The following BRINP1 variants were observed in gnomAD, a reference collection of about 807,000 sequenced individuals.
The protein encoded by BRINP1 is BMP/retinoic acid inducible neural specific 1.
BRINP1 carries 17 observed loss-of-function variants against 72.9 expected under a neutral mutation model. That is an observed-to-expected ratio of 0.23 (90% CI 0.16 to 0.35). The LOEUF (loss-of-function observed/expected upper bound fraction) is 0.35, where lower values mean the gene tolerates loss of function less well. BRINP1 is among the 10% of genes least tolerant of loss of function. The pLI, the probability that BRINP1 is intolerant of heterozygous loss-of-function variation, is 1.00. For missense variants in BRINP1, 850 were observed against 1,001.6 expected (o/e 0.85, Z 2.04); for synonymous variants, 418 against 378.5 (o/e 1.10, Z -1.21).
At chr9:119,262,660 A>C (rs2118937170) in intron 2 of BRINP1, among the ~76,000 whole-genome samples, 1 of 151,566 alleles carries the variant, frequency 6.6e-6, no homozygotes, top group South Asian at 2.1e-4. Flanking sequence ...AAAAAAAAAA[A>C]AAAAAAGCTG....
intron 1 of BRINP1, among the ~76,000 whole-genome samples, chr9:119,319,708 T>C (rs1489066390): frequency 1.3e-5 from 2 of 152,210 alleles, no homozygotes; most frequent in East Asian, 3.8e-4. Context: ...TTCCACAAAA[T>C]GGGCACAGTT....
chr9:119,297,365 G>A lies in BRINP1; in HGVS notation c.218+15773C>T, dbSNP rs191706240. 2.2e-3 allele frequency among the ~76,000 whole-genome samples: 334 copies of A among 152,184 alleles called. 8 individuals are homozygous for A. The highest frequency in any genetic ancestry group is 5.6e-4 in the Non-Finnish European group (38 of 68,022). ...GCTGCGCTCCCTTCACCTTCTCAGC[G>A]CCCTGTATAGCCAGTGGTAACGAGC... On this transcript the variant is annotated intron_variant, in intron 2 of 7. Coordinates refer to ENST00000265922, the MANE Select transcript of BRINP1 (RefSeq NM_014618.3).
intron 7 of BRINP1, among the ~76,000 whole-genome samples, chr9:119,184,027 A>G (rs557911378): frequency 6.6e-6 from 1 of 152,286 alleles, no homozygotes; most frequent in East Asian, 1.9e-4. Flanking sequence ...ATTTTTGACT[A>G]AATCCCCTGA....
intron 2 of BRINP1, among the ~76,000 whole-genome samples, chr9:119,253,792 T>C (rs1588179012): frequency 6.6e-6 from 1 of 152,238 alleles, no homozygotes; most frequent in Non-Finnish European, 1.5e-5. Flanking sequence ...CTGTAATACA[T>C]AAATGATAAG....
chr9:119,200,965 G>A (rs1829799896), intron 7 of BRINP1, among the ~76,000 whole-genome samples: 1 of 152,162 alleles, frequency 6.6e-6, no homozygotes, highest in South Asian at 2.1e-4. Context: ...AAAATTAGCA[G>A]AACTGTCCTG....
intron 2 of BRINP1, among the ~76,000 whole-genome samples, chr9:119,296,348 T>G (rs1372268670): frequency 6.6e-6 from 1 of 152,112 alleles, no homozygotes; most frequent in East Asian, 1.9e-4. Flanking sequence ...AGCTATTACC[T>G]TGCACGTGTT....
chr9:119,281,746 ATGTG>A (rs1166540464), intron 2 of BRINP1, among the ~76,000 whole-genome samples: 3 of 149,888 alleles, frequency 2.0e-5, no homozygotes, highest in South Asian at 2.1e-4. Context: ...TAAGGTCATG[ATGTG>A]TGTGTATGTG....
At chr9:119,252,867 A>G (rs1830407666) in intron 2 of BRINP1, among the ~76,000 whole-genome samples, 1 of 152,254 alleles carries the variant, frequency 6.6e-6, no homozygotes, top group Admixed American at 6.5e-5. Context: ...CCTTTTTTTG[A>G]AACAGCCATC....
At chr9:119,336,103 T>C (rs371548252) in intron 1 of BRINP1, among the ~76,000 whole-genome samples, 2 of 152,182 alleles carry the variant, frequency 1.3e-5, no homozygotes, top group African/African-American at 4.8e-5. Context: ...CAGGTATAGA[T>C]TGAAAAGAAA....
chr9:119,203,904 T>C (rs538912042), intron 7 of BRINP1, among the ~76,000 whole-genome samples: 32 of 152,286 alleles, frequency 2.1e-4, no homozygotes, highest in Admixed American at 5.9e-4. Flanking sequence ...CATAATGAAC[T>C]GCACCTCCCA....
chr9:119,333,081 C>T (rs932566318), intron 1 of BRINP1, among the ~76,000 whole-genome samples: 6 of 151,454 alleles, frequency 4.0e-5, no homozygotes, highest in African/African-American at 1.5e-4. Flanking sequence ...ATTAAACTGT[C>T]AGCTACTGGG....
At chr9:119,240,674 G>A (rs753875105) in intron 4 of BRINP1, among the ~76,000 whole-genome samples, 10 of 152,154 alleles carry the variant, frequency 6.6e-5, no homozygotes, top group East Asian at 5.8e-4. Flanking sequence ...GATTCTTTTC[G>A]GATAAACTGG....
At chr9:119,207,173 A>G (rs1438091129) in intron 7 of BRINP1, among the ~76,000 whole-genome samples, 6 of 152,178 alleles carry the variant, frequency 3.9e-5, no homozygotes, top group African/African-American at 1.4e-4. Flanking sequence ...GAAAGACTTC[A>G]TGGAGGGAAT....
intron 2 of BRINP1, among the ~76,000 whole-genome samples, chr9:119,254,831 A>T: frequency 6.6e-6 from 1 of 152,312 alleles, no homozygotes; most frequent in Middle Eastern, 3.4e-3. Flanking sequence ...CTCCAATAAA[A>T]CTTTATTTAC....
intron 1 of BRINP1, among the ~76,000 whole-genome samples, chr9:119,352,444 T>C (rs1016092053): frequency 2.6e-5 from 4 of 152,204 alleles, no homozygotes; most frequent in African/African-American, 9.6e-5. Context: ...TTTCTTTTTT[T>C]CTTTTTTGAG....
rs59715609 is a variant in BRINP1, at chr9:119,294,853, T to TAA, written c.218+18283_218+18284dup. Among the ~76,000 whole-genome samples, 1,024 of 127,994 alleles carry TAA rather than the reference T, an allele frequency of 8.0e-3. 17 individuals carry two copies. The highest frequency in any genetic ancestry group is 0.027 in the African/African-American group (925 of 34,770). The allele number at this position is 127,994 out of a possible 152,430, so 84.0% of individuals were successfully genotyped here. ...CCTGAGCAACAGAGTGACACTACGT[T>TAA]AAAAAAAAAAAAAAAAAAGACACAC... On this transcript the variant is annotated intron_variant, in intron 2 of 7. Transcript: ENST00000265922.
intron 1 of BRINP1, among the ~76,000 whole-genome samples, chr9:119,367,221 G>GTGTTATATATATATATAT (rs1564259756): frequency 1.0e-5 from 1 of 99,850 alleles, no homozygotes; most frequent in Non-Finnish European, 1.9e-5. Context: ...GTGTGTGATT[G>GTGTTATATATATATATAT]ATATATATAT....
chr9:119,249,827 G>C (rs1226717047), intron 2 of BRINP1, among the ~76,000 whole-genome samples: 1 of 50,768 alleles, frequency 2.0e-5, no homozygotes, highest in African/African-American at 8.9e-5. Context: ...AGGAAGGAAG[G>C]AAGGAAGGAA....
At chr9:119,238,594 C>G (rs1052515948) in intron 5 of BRINP1, 61 bp downstream of exon 5, 2 of 1,008,758 alleles carry the variant, frequency 2.0e-6, no homozygotes, top group Non-Finnish European at 3.0e-6. Flanking sequence ...ATCCCCTCTC[C>G]CACATATCAC....
Sources: gnomAD v4.1 joint callset for allele counts (sites outside exome capture counted in the v4.1 genomes callset) on GRCh38, gnomAD v4.1.1 for gene constraint, MANE v1.5 for transcripts, NCBI Gene and HGNC (gene_info 2026-07-23, HGNC 2026-07-21) for gene names.